ZFHX3: variants seen among roughly 807,000 people sequenced by gnomAD.
ZFHX3 encodes the protein zinc finger homeobox 3, also known as zinc finger homeobox protein 3.
Under a neutral mutation model 279.1 loss-of-function variants are expected in ZFHX3, and 42 were observed. The observed-to-expected ratio is 0.15, with a 90% CI of 0.12 to 0.19. ZFHX3 has a LOEUF of 0.19. ZFHX3 is among the 10% of genes least tolerant of loss of function. The pLI, the probability that ZFHX3 is intolerant of heterozygous loss-of-function variation, is 1.00. For synonymous variants in ZFHX3, 2,293 were observed against 1,957.8 expected (o/e 1.17, Z -4.52); for missense variants, 4,981 against 4,754.0 (o/e 1.05, Z -1.40).
chr16:73,024,298 G>C (rs1009693025), intron 1 of ZFHX3, among the ~76,000 whole-genome samples: 2 of 152,162 alleles, frequency 1.3e-5, no homozygotes, highest in African/African-American at 4.8e-5. Context: ...CTCCCAGCTG[G>C]GGAGAAACTT....
chr16:73,009,406 ACAC>A (rs1428243165), intron 1 of ZFHX3, among the ~76,000 whole-genome samples: 1 of 152,114 alleles, frequency 6.6e-6, no homozygotes, highest in Non-Finnish European at 1.5e-5. Flanking sequence ...GTAATTGCAA[ACAC>A]CACCAAGTTA....
intron 8 of ZFHX3, among the ~76,000 whole-genome samples, chr16:73,067,668 C>A (rs1050497599): frequency 6.6e-6 from 1 of 152,224 alleles, no homozygotes; most frequent in Non-Finnish European, 1.5e-5. Flanking sequence ...TTTGGAGAAA[C>A]TGCATTCATC....
rs1186321825 is a variant in ZFHX3, at chr16:72,784,473, CCAAAAA to C, written c.*2685_*2690del. On this transcript the variant is annotated 3_prime_UTR_variant, in exon 10 of 10. Transcript: ENST00000268489. ...TTGTTAACTGATATCACATAGAGAACCAAAAACAAAAACAATTTTTTTTCTATATGG... is the reference window on the plus strand; with the variant it reads ...TTGTTAACTGATATCACATAGAGAACCAAAAACAATTTTTTTTCTATATGG... 7 of 151,614 alleles carry C rather than the reference CCAAAAA, an allele frequency of 4.6e-5. No homozygotes were observed. Among genetic ancestry groups the C allele is most frequent in the African/African-American group, 1.5e-4 (6 of 41,114 alleles). The allele number at this position is 151,614 out of a possible 1,614,324, so 9.4% of individuals were successfully genotyped here. A position where few individuals can be genotyped will look rare whatever the true frequency, so the allele number is the denominator to read the frequency against.
intron 6 of ZFHX3, among the ~76,000 whole-genome samples, chr16:73,139,019 C>T (rs1259099530): frequency 6.6e-6 from 1 of 152,150 alleles, no homozygotes; most frequent in African/African-American, 2.4e-5. Flanking sequence ...TCTCTCACTG[C>T]ACCATGTGAA....
intron 1 of ZFHX3, among the ~76,000 whole-genome samples, chr16:73,704,468 A>G (rs1184005283): frequency 6.6e-6 from 1 of 152,230 alleles, no homozygotes; most frequent in Non-Finnish European, 1.5e-5. Context: ...AACACTTCAT[A>G]GAGAGAAGCT....
At chr16:72,824,753 T>G (rs2036892370) in intron 5 of ZFHX3, among the ~76,000 whole-genome samples, 1 of 152,252 alleles carries the variant, frequency 6.6e-6, no homozygotes. Context: ...TGTATATCAC[T>G]TAACTTATTG....
At chr16:73,332,292 T>C (rs1340953887) in intron 3 of ZFHX3, among the ~76,000 whole-genome samples, 1 of 152,158 alleles carries the variant, frequency 6.6e-6, no homozygotes, top group Non-Finnish European at 1.5e-5. Flanking sequence ...ATAACGAAGC[T>C]CTATATCTAC....
intron 2 of ZFHX3, among the ~76,000 whole-genome samples, chr16:73,460,087 A>C (rs1232765456): frequency 1.3e-5 from 2 of 152,220 alleles, no homozygotes; most frequent in African/African-American, 4.8e-5. Context: ...CACCACAAGG[A>C]GCTCTCCTTT....
At chr16:73,033,746 C>A (rs1964795754) in intron 1 of ZFHX3, among the ~76,000 whole-genome samples, 1 of 152,182 alleles carries the variant, frequency 6.6e-6, no homozygotes, top group South Asian at 2.1e-4. Flanking sequence ...CGCTTCTCAG[C>A]TTACCAGGGG....
intron 5 of ZFHX3, among the ~76,000 whole-genome samples, chr16:73,247,188 A>G (rs879555371): frequency 1.4e-5 from 2 of 144,946 alleles, no homozygotes; most frequent in Non-Finnish European, 3.0e-5. Flanking sequence ...TGTATGTGGA[A>G]TACATGTGTG....
At chr16:73,469,560 C>A (rs977795732) in intron 2 of ZFHX3, among the ~76,000 whole-genome samples, 2 of 152,046 alleles carry the variant, frequency 1.3e-5, no homozygotes, top group African/African-American at 4.8e-5. Flanking sequence ...AGCTGATGCC[C>A]ATTGAAATCA....
At chr16:73,682,967 AAAGAAAGAAAGAAAGAAAGAAAGAAAAG>A (rs2053037953) in intron 1 of ZFHX3, among the ~76,000 whole-genome samples, 1 of 28,644 alleles carries the variant, frequency 3.5e-5, no homozygotes, top group African/African-American at 1.2e-4. Context: ...AGAAAGAAAG[AAAGAAAGAAAGAAAGAAAGAAAGAAAAG>A]AAAGAAAGAA....
chr16:73,124,111 C>A (rs1422723670), intron 7 of ZFHX3, among the ~76,000 whole-genome samples: 1 of 152,194 alleles, frequency 6.6e-6, no homozygotes, highest in African/African-American at 2.4e-5. Context: ...AACCACTTTA[C>A]AACCTTGTAT....
intron 1 of ZFHX3, among the ~76,000 whole-genome samples, chr16:73,032,687 A>G (rs1184725007): frequency 2.3e-5 from 2 of 85,750 alleles, no homozygotes; most frequent in Non-Finnish European, 5.3e-5. Context: ...AAAGAACAGG[A>G]AAAAAAAAAA....
At chr16:73,676,869 C>T (rs1022977509) in intron 2 of ZFHX3, among the ~76,000 whole-genome samples, 1 of 151,884 alleles carries the variant, frequency 6.6e-6, no homozygotes, top group Non-Finnish European at 1.5e-5. Context: ...TGGGCAAAGA[C>T]AGACTTTATA....
chr16:73,606,565 T>C (rs753292595), intron 2 of ZFHX3, among the ~76,000 whole-genome samples: 1 of 152,136 alleles, frequency 6.6e-6, no homozygotes, highest in Admixed American at 6.5e-5. Context: ...GTCACTTTAA[T>C]GTAAATGAGT....
At chr16:72,896,385 CT>C (rs1473156583) in intron 3 of ZFHX3, among the ~76,000 whole-genome samples, 2 of 152,236 alleles carry the variant, frequency 1.3e-5, no homozygotes, top group Non-Finnish European at 2.9e-5. Context: ...TGTGCCTTCC[CT>C]TCTAGGTCTG....
Position 73,507,970 on chromosome 16 carries a change from A to AG in ZFHX3, c.-1546-51713dup, listed in dbSNP as rs1021969530. ...GCTTAACAAATGTTAGGACCAAGGCAGGGGGGCAAGGACAACATGTGTGAT... is the reference window on the plus strand; with the variant it reads ...GCTTAACAAATGTTAGGACCAAGGCAGGGGGGGCAAGGACAACATGTGTGAT... On this transcript the variant is annotated intron_variant, in intron 2 of 17. Coordinates refer to the ZFHX3 transcript ENST00000641206. 1.4e-4 allele frequency among the ~76,000 whole-genome samples: 22 copies of AG among 152,356 alleles called. No individual in the cohort carries two copies. In the East Asian group the frequency reaches 1.5e-3, roughly 11 times the overall value.
At chr16:73,540,367 T>C (rs2019989501) in intron 2 of ZFHX3, among the ~76,000 whole-genome samples, 1 of 152,236 alleles carries the variant, frequency 6.6e-6, no homozygotes, top group Admixed American at 6.5e-5. Context: ...AAGGAAGATA[T>C]ATTTTCTCTC....
Sources: allele counts gnomAD v4.1 joint callset (sites outside exome capture counted in the v4.1 genomes callset), GRCh38; gene constraint gnomAD v4.1.1; transcripts MANE v1.5; gene names NCBI Gene and HGNC (gene_info 2026-07-23, HGNC 2026-07-21).